The following SNTG1 variants were observed in gnomAD, a reference collection of about 807,000 sequenced individuals.
SNTG1 encodes gamma-1-syntrophin.
SNTG1 carries 39 observed loss-of-function variants against 74.7 expected under a neutral mutation model. The observed-to-expected ratio is 0.52, with a 90% CI of 0.40 to 0.68. The LOEUF is 0.68. SNTG1 is among the 30% of genes least tolerant of loss of function. SNTG1 has a pLI of 0.00. For synonymous variants in SNTG1, 254 were observed against 217.1 expected (o/e 1.17, Z -1.49); for missense variants, 685 against 609.5 (o/e 1.12, Z -1.30).
intron 1 of SNTG1, among the ~76,000 whole-genome samples, chr8:50,035,870 G>A (rs1015818501): frequency 5.9e-5 from 9 of 152,076 alleles, no homozygotes; most frequent in Non-Finnish European, 8.8e-5. Flanking sequence ...TTAAGCTCTC[G>A]GACAGATGTC....
intron 2 of SNTG1, among the ~76,000 whole-genome samples, chr8:50,365,713 A>G (rs879771411): frequency 1.3e-5 from 2 of 152,172 alleles, no homozygotes; most frequent in Non-Finnish European, 2.9e-5. Context: ...TTATTACAAT[A>G]GACTGATTAT....
At chr8:50,445,821 C>A (rs1162989600) in intron 5 of SNTG1, among the ~76,000 whole-genome samples, 5 of 152,136 alleles carry the variant, frequency 3.3e-5, no homozygotes, top group African/African-American at 1.2e-4. Flanking sequence ...GACCTCAGGC[C>A]ATTTATACTT....
chr8:50,213,137 C>T (rs1292979810), intron 2 of SNTG1, among the ~76,000 whole-genome samples: 1 of 152,160 alleles, frequency 6.6e-6, no homozygotes, highest in Non-Finnish European at 1.5e-5. Context: ...CGAAAATTCT[C>T]AGACAGGCTT....
chr8:50,689,861 G>A (rs1235256421), intron 15 of SNTG1, among the ~76,000 whole-genome samples: 1 of 152,198 alleles, frequency 6.6e-6, no homozygotes, highest in Non-Finnish European at 1.5e-5. Context: ...GAATACGGCT[G>A]TGAATCCATT....
chr8:49,928,180 T>A (rs866137146), intron 1 of SNTG1, among the ~76,000 whole-genome samples: 13 of 144,082 alleles, frequency 9.0e-5, no homozygotes, highest in African/African-American at 3.1e-4. Flanking sequence ...AATAAATAAA[T>A]AAAAATAAAA....
chr8:50,617,707 C>T (rs931502991), intron 13 of SNTG1, among the ~76,000 whole-genome samples: 1 of 152,116 alleles, frequency 6.6e-6, no homozygotes, highest in South Asian at 2.1e-4. Flanking sequence ...GTGAGAGGGT[C>T]GTGATCGATT....
At chr8:50,544,222 A>G (rs1304072100) in intron 11 of SNTG1, among the ~76,000 whole-genome samples, 3 of 152,072 alleles carry the variant, frequency 2.0e-5, no homozygotes, top group African/African-American at 7.2e-5. Flanking sequence ...AGAGCCATAC[A>G]TGTATAACTA....
intron 1 of SNTG1, among the ~76,000 whole-genome samples, chr8:49,960,110 C>T (rs1159312996): frequency 1.3e-5 from 2 of 152,156 alleles, no homozygotes; most frequent in African/African-American, 4.8e-5. Context: ...TATGAGCTGA[C>T]CTGAGAAGCT....
chr8:50,505,219 CT>C (rs2093996300), intron 9 of SNTG1, among the ~76,000 whole-genome samples: 1 of 152,098 alleles, frequency 6.6e-6, no homozygotes, highest in South Asian at 2.1e-4. Context: ...ACCACATATT[CT>C]TTATTCAGCC....
At position 49,971,272 on chromosome 8, in the gene SNTG1, A is replaced by T. The variant is rs563343107; in HGVS notation, c.-103+59041A>T. On this transcript the variant is annotated intron_variant, in intron 1 of 18. Coordinates refer to ENST00000642720, the MANE Select transcript of SNTG1 (RefSeq NM_018967.5). Reference sequence around the variant, plus strand: ...ACAGAACCAAGACAAAAACCACATGATTATCTCAGTAGATGCAGAAAAGGC... The same window carrying T: ...ACAGAACCAAGACAAAAACCACATGTTTATCTCAGTAGATGCAGAAAAGGC... Among the ~76,000 whole-genome samples, 6 of 152,318 alleles carry T rather than the reference A, an allele frequency of 3.9e-5. No individual in the cohort carries two copies. The South Asian group carries it at 1.2e-3, about 32-fold the overall frequency.
At chr8:49,956,859 T>TG (rs879860739) in intron 1 of SNTG1, among the ~76,000 whole-genome samples, 3 of 152,140 alleles carry the variant, frequency 2.0e-5, no homozygotes, top group Non-Finnish European at 4.4e-5. Context: ...GTCTCTCTCT[T>TG]TTTTAAAGAT....
chr8:50,210,196 C>T (rs968115717), intron 2 of SNTG1, among the ~76,000 whole-genome samples: 1 of 152,040 alleles, frequency 6.6e-6, no homozygotes, highest in Admixed American at 6.6e-5. Context: ...TAAAAAGAAA[C>T]AAACAAAGCC....
intron 1 of SNTG1, among the ~76,000 whole-genome samples, chr8:49,986,285 T>C (rs1298017503): frequency 6.6e-6 from 1 of 152,160 alleles, no homozygotes. Flanking sequence ...AAGGATCTAA[T>C]TGGGTCACTG....
chr8:50,791,781 A>C (rs549013015), intron 18 of SNTG1, among the ~76,000 whole-genome samples: 3 of 151,812 alleles, frequency 2.0e-5, no homozygotes, highest in African/African-American at 7.2e-5. Flanking sequence ...TATTGATTTC[A>C]TTAAGCACAC....
At chr8:50,328,898 C>T (rs2090854066) in intron 2 of SNTG1, among the ~76,000 whole-genome samples, 1 of 152,210 alleles carries the variant, frequency 6.6e-6, no homozygotes, top group Admixed American at 6.5e-5. Flanking sequence ...CAAGTCCCTT[C>T]TACCTGTGAA....
In SNTG1 at chr8:50,462,841, G is replaced by C. The variant is rs561698843; in HGVS notation, c.363+12112G>C. 1.1e-4 allele frequency among the ~76,000 whole-genome samples: 8 copies of C among 75,458 alleles called. No homozygotes were observed. In the South Asian group the frequency reaches 2.4e-3, roughly 23 times the overall value. 49.5% of individuals were successfully genotyped at this position (75,458 alleles called of 152,430 possible). On this transcript the variant is annotated intron_variant, in intron 8 of 18. Transcript: ENST00000642720. Reference sequence around the variant, plus strand: ...TTTTTTTTTTTTTTTTTTTTGAGACGAAGTCTCATTGTGTTGCCAGGCTGG... The same window carrying C: ...TTTTTTTTTTTTTTTTTTTTGAGACCAAGTCTCATTGTGTTGCCAGGCTGG...
intron 12 of SNTG1, among the ~76,000 whole-genome samples, chr8:50,558,878 AT>A (rs1455917013): frequency 1.3e-5 from 2 of 152,274 alleles, no homozygotes; most frequent in East Asian, 1.9e-4. Flanking sequence ...GTACTTTTAA[AT>A]TTTTTGTATT....
intron 9 of SNTG1, among the ~76,000 whole-genome samples, chr8:50,504,758 C>T (rs1027384937): frequency 6.6e-6 from 1 of 151,960 alleles, no homozygotes; most frequent in East Asian, 1.9e-4. Context: ...CTGAGTAAGA[C>T]CCCATCTCAA....
chr8:50,311,493 G>A (rs1005637806), intron 2 of SNTG1, among the ~76,000 whole-genome samples: 1 of 152,218 alleles, frequency 6.6e-6, no homozygotes, highest in Non-Finnish European at 1.5e-5. Flanking sequence ...TGGATACATT[G>A]AGTAGGTTGT....
Sources: allele counts gnomAD v4.1 joint callset (sites outside exome capture counted in the v4.1 genomes callset), GRCh38; gene constraint gnomAD v4.1.1; transcripts MANE v1.5; gene names NCBI Gene and HGNC (gene_info 2026-07-23, HGNC 2026-07-21).